Variants in PTH2R observed in about 807,000 individuals in gnomAD.
PTH2R encodes parathyroid hormone 2 receptor, also known as PTH2 receptor.
PTH2R carries 59 observed loss-of-function variants against 60.3 expected under a neutral mutation model. The ratio of observed to expected loss-of-function variants is 0.98; its 90% CI spans 0.79 to 1.22. PTH2R has a LOEUF of 1.22. Among genes scored for constraint, PTH2R ranks in the 50% most tolerant of loss-of-function variants. The pLI is 0.00. For missense variants in PTH2R, 749 were observed against 682.6 expected (o/e 1.10, Z -1.08); for synonymous variants, 256 against 243.8 (o/e 1.05, Z -0.47).
chr2:208,444,789 A>G lies in PTH2R; in HGVS notation c.755A>G (p.Tyr252Cys). ...ATTTACTTCCTGGCTACAAATTATT[A>G]TTGGATCCTGGTGGAAGGTCTCTAC... is the stretch of plus-strand genomic sequence containing the variant. Reference protein sequence around the residue: ...MFIYFLATNYYWILVEGLYLH... With the variant: ...MFIYFLATNYCWILVEGLYLH... The change falls in exon 7 of 13, where the codon TAT (tyrosine) becomes TGT (cysteine). Residue 252 changes from tyrosine (Y) to cysteine (C), a missense_variant. Physicochemically the swap from Tyr to Cys is radical, Grantham distance 194. Coordinates refer to ENST00000272847, the MANE Select transcript of PTH2R (RefSeq NM_005048.4). 1 of 1,613,834 alleles carries G rather than the reference A, an allele frequency of 6.2e-7. No homozygotes were observed. Among genetic ancestry groups the G allele is most frequent in the African/African-American group, 1.3e-5 (1 of 75,012 alleles).
intron 9 of PTH2R, among the ~76,000 whole-genome samples, chr2:208,470,802 T>TAA: frequency 6.6e-6 from 1 of 152,106 alleles, no homozygotes; most frequent in Admixed American, 6.5e-5. Context: ...GTTGGAACAG[T>TAA]TCAAAGGGTT....
chr2:208,482,993 T>C (rs1703191958), intron 10 of PTH2R, among the ~76,000 whole-genome samples: 1 of 152,212 alleles, frequency 6.6e-6, no homozygotes, highest in Admixed American at 6.5e-5. Context: ...AACCTGGCAT[T>C]GTCTTTACAT....
At chr2:208,478,526 C>T (rs1222630533) in intron 9 of PTH2R, among the ~76,000 whole-genome samples, 1 of 152,194 alleles carries the variant, frequency 6.6e-6, no homozygotes, top group Non-Finnish European at 1.5e-5. Context: ...AGTCTTTGTT[C>T]TTTTTCCCTC....
At position 208,456,707 on chromosome 2, in the gene PTH2R, G is replaced by A. The variant is rs556570077; in HGVS notation, c.915-3188G>A. On this transcript the variant is annotated intron_variant, in intron 8 of 12. Coordinates refer to ENST00000272847, the MANE Select transcript of PTH2R (RefSeq NM_005048.4). ...TTCTAGTCAGACCTTTGTATCTCAT[G>A]CTTCACCATCCAGAACTGCATTTCC... Among the ~76,000 whole-genome samples the A allele has an allele frequency of 2.0e-5, 3 of 152,296 alleles. No homozygotes were observed. The East Asian group carries it at 5.8e-4, about 29-fold the overall frequency.
At chr2:208,379,767 C>T (rs928046455) in intron 1 of PTH2R, among the ~76,000 whole-genome samples, 4 of 150,842 alleles carry the variant, frequency 2.7e-5, no homozygotes, top group South Asian at 2.1e-4. Flanking sequence ...GGCTGAGGCA[C>T]GAGAATCACT....
intron 9 of PTH2R, among the ~76,000 whole-genome samples, chr2:208,475,438 C>T (rs114910795): frequency 6.6e-6 from 1 of 151,892 alleles, no homozygotes. Context: ...ACCATAAAAC[C>T]TATTAGGGAA....
chr2:208,485,077 G>T (rs766552858), intron 10 of PTH2R, among the ~76,000 whole-genome samples: 1 of 152,136 alleles, frequency 6.6e-6, no homozygotes, highest in African/African-American at 2.4e-5. Context: ...CATACAAAGT[G>T]CTATGTATAC....
chr2:208,459,708 T>C (rs1464820456), intron 8 of PTH2R, among the ~76,000 whole-genome samples, 187 bp from the exon 9 acceptor site: 2 of 152,166 alleles, frequency 1.3e-5, no homozygotes, highest in African/African-American at 4.8e-5. Flanking sequence ...GCTAATAATA[T>C]GAAAATCAAT....
intron 1 of PTH2R, among the ~76,000 whole-genome samples, chr2:208,408,740 A>AGAGAGAAAGAGAGAGAGAGAGAG (rs1553542827): frequency 8.1e-6 from 1 of 123,316 alleles, no homozygotes; most frequent in African/African-American, 3.9e-5. Context: ...GAGAGAGAGA[A>AGAGAGAAAGAGAGAGAGAGAGAG]AGAGAGAGAG....
chr2:208,437,415 A>C (rs1173739300), intron 2 of PTH2R, 122 bp from the exon 3 acceptor site: 1 of 681,036 alleles, frequency 1.5e-6, no homozygotes, highest in Admixed American at 3.1e-5. Context: ...TTCAAAAACT[A>C]CCAATTTGTT....
chr2:208,407,108 C>T lies in PTH2R; in HGVS notation c.65C>T (p.Ala22Val). 2 of 1,397,926 alleles carry T rather than the reference C, an allele frequency of 1.4e-6. No individual in the cohort carries two copies. Among genetic ancestry groups the T allele is most frequent in the South Asian group, 3.7e-5 (2 of 53,912 alleles). The allele number at this position is 1,397,926 out of a possible 1,614,324, so 86.6% of individuals were successfully genotyped here. The part of the protein sequence containing the change: ...GWLMLGSCLL[A>V]RAQLDSDGTI... ...CTAATGCTCGGCAGCTGCCTCCTGGCCAGAGCCCAGGTAAGAGCCAGTGCT... is the reference window on the plus strand; with the variant it reads ...CTAATGCTCGGCAGCTGCCTCCTGGTCAGAGCCCAGGTAAGAGCCAGTGCT... Residue 22 changes from alanine (A) to valine (V), a missense_variant, in exon 1 of 13, where the codon GCC becomes GTC. Physicochemically the swap from Ala to Val is moderately conservative, Grantham distance 64 (BLOSUM62 0). Coordinates refer to ENST00000272847, the MANE Select transcript of PTH2R (RefSeq NM_005048.4).
At chr2:208,411,110 G>A (rs1160278309) in intron 1 of PTH2R, among the ~76,000 whole-genome samples, 2 of 152,142 alleles carry the variant, frequency 1.3e-5, no homozygotes, top group Admixed American at 6.5e-5. Flanking sequence ...GCTGGGCATG[G>A]TGGCACACGT....
chr2:208,475,041 A>G (rs1466628717), intron 9 of PTH2R, among the ~76,000 whole-genome samples: 1 of 152,218 alleles, frequency 6.6e-6, no homozygotes, highest in East Asian at 1.9e-4. Context: ...AGCAAGCGTG[A>G]TGGCAATCCA....
intron 9 of PTH2R, among the ~76,000 whole-genome samples, chr2:208,470,361 A>G (rs180861117): frequency 6.6e-6 from 1 of 152,298 alleles, no homozygotes; most frequent in East Asian, 1.9e-4. Context: ...TTTTATCTTT[A>G]CCAAAATGTT....
chr2:208,461,523 T>C (rs1702635111), intron 9 of PTH2R, among the ~76,000 whole-genome samples: 2 of 152,176 alleles, frequency 1.3e-5, no homozygotes, highest in South Asian at 4.1e-4. Context: ...TTGCCTTCAG[T>C]GTCTTGTACT....
intron 9 of PTH2R, among the ~76,000 whole-genome samples, chr2:208,473,234 A>G (rs571504374): frequency 6.6e-6 from 1 of 152,330 alleles, no homozygotes; most frequent in East Asian, 1.9e-4. Context: ...AACCCAATCT[A>G]GATAACATTT....
chr2:208,413,602 T>A (rs924775390), intron 1 of PTH2R, among the ~76,000 whole-genome samples: 2 of 152,260 alleles, frequency 1.3e-5, no homozygotes, highest in African/African-American at 4.8e-5. Flanking sequence ...TGAACATTTT[T>A]AACATATGGA....
intron 1 of PTH2R, among the ~76,000 whole-genome samples, chr2:208,422,368 A>C (rs1701774165): frequency 6.6e-6 from 1 of 152,228 alleles, no homozygotes; most frequent in African/African-American, 2.4e-5. Flanking sequence ...TTGCTACATG[A>C]AATTAACCAC....
rs1574898496 is a variant in PTH2R at position 208,465,546 on chromosome 2, G to T, written c.981+5585G>T. Among the ~76,000 whole-genome samples the T allele has an allele frequency of 4.0e-5, 6 of 151,456 alleles. No homozygotes were observed. The South Asian group carries it at 1.3e-3, about 32-fold the overall frequency. On this transcript the variant is annotated intron_variant, in intron 9 of 12. Transcript: ENST00000272847. ...GACTCCCGAGTAGCTGATATTACAG[G>T]CACGTGCCACCATGCCCAGCTAATT...
Sources: gnomAD v4.1 joint callset for allele counts (sites outside exome capture counted in the v4.1 genomes callset) on GRCh38, gnomAD v4.1.1 for gene constraint, MANE v1.5 for transcripts, NCBI Gene and HGNC (gene_info 2026-07-23, HGNC 2026-07-21) for gene names.